The following PRIM2 variants were observed in gnomAD, a reference collection of about 807,000 sequenced individuals.
The protein encoded by PRIM2 is DNA primase subunit 2.
PRIM2 carries 39 observed loss-of-function variants against 67.3 expected under a neutral mutation model. The ratio of observed to expected loss-of-function variants is 0.58; its 90% CI spans 0.45 to 0.76. PRIM2 has a LOEUF of 0.76. PRIM2 is among the 30% of genes least tolerant of loss of function. PRIM2 has a pLI of 0.00. For missense variants in PRIM2, 398 were observed against 598.7 expected, an observed-to-expected ratio of 0.66 and a Z score of 3.50; for synonymous variants, 143 against 198.7, an observed-to-expected ratio of 0.72 and a Z score of 2.36.
At chr6:57,618,402 A>G (rs1776790523) in intron 12 of PRIM2, among the ~76,000 whole-genome samples, 1 of 152,182 alleles carries the variant, frequency 6.6e-6, no homozygotes, top group African/African-American at 2.4e-5. Flanking sequence ...TTAAATTGTG[A>G]ATTTTAGCTC....
the PRIM2 span, among the ~76,000 whole-genome samples, chr6:57,240,644 T>C: frequency 6.6e-6 from 1 of 152,102 alleles, no homozygotes. Context: ...TCCTGATTGG[T>C]AGAAGAGGTA....
chr6:57,437,899 T>G (rs1264985343), intron 7 of PRIM2, among the ~76,000 whole-genome samples: 1 of 152,070 alleles, frequency 6.6e-6, no homozygotes, highest in Non-Finnish European at 1.5e-5. Flanking sequence ...TCAAGTGATC[T>G]GCCTGCCTTA....
At chr6:57,239,601 G>T in the PRIM2 span, among the ~76,000 whole-genome samples, 12 of 152,100 alleles carry the variant, frequency 7.9e-5, no homozygotes, top group Admixed American at 2.0e-4. Flanking sequence ...AATTAGCAGG[G>T]TGTGGTGGCG....
At chr6:57,366,976 C>T (rs1479632249) in intron 5 of PRIM2, among the ~76,000 whole-genome samples, 1 of 151,756 alleles carries the variant, frequency 6.6e-6, no homozygotes, top group Non-Finnish European at 1.5e-5. Context: ...ATGAAATATG[C>T]TTTAGTATAA....
At chr6:57,614,580 G>GT (rs1776720891) in intron 12 of PRIM2, among the ~76,000 whole-genome samples, 1 of 152,162 alleles carries the variant, frequency 6.6e-6, no homozygotes, top group Non-Finnish European at 1.5e-5. Flanking sequence ...GCTGGGTGTG[G>GT]TGGCTCACAC....
the PRIM2 span, among the ~76,000 whole-genome samples, chr6:57,235,245 G>C: frequency 6.6e-6 from 1 of 152,014 alleles, no homozygotes; most frequent in Non-Finnish European, 1.5e-5. Flanking sequence ...AGCAGATCAC[G>C]TGAGATCAGG....
intron 7 of PRIM2, 145 bp from the exon 8 acceptor site, chr6:57,507,242 T>G (rs1774269247): frequency 3.4e-6 from 3 of 888,588 alleles, no homozygotes; most frequent in Non-Finnish European, 4.9e-6. Context: ...TTATATAATT[T>G]CTTGATTTGA....
Position 57,416,858 on chromosome 6 carries a change from G to A in PRIM2, c.693+34690G>A, listed in dbSNP as rs535489138. ...GCCTTTATAGAATTGAAGAGAGTTA[G>A]GGGCTTGGTCTGGATTAGGCTTAAG... On this transcript the variant is annotated intron_variant, in intron 7 of 13. Transcript: ENST00000615550. Among the ~76,000 whole-genome samples the A allele has an allele frequency of 9.1e-3, 1,386 of 152,284 alleles. 18 individuals carry two copies. Among genetic ancestry groups the A allele is most frequent in the African/African-American group, 0.031 (1,306 of 41,542 alleles).
chr6:57,405,050 A>G (rs1770837007), intron 7 of PRIM2, among the ~76,000 whole-genome samples: 1 of 148,670 alleles, frequency 6.7e-6, no homozygotes, highest in South Asian at 2.1e-4. Context: ...TTTCATTGAC[A>G]CCTGAATGCA....
intron 5 of PRIM2, among the ~76,000 whole-genome samples, chr6:57,352,579 G>A (rs2127301986): frequency 6.6e-6 from 1 of 152,276 alleles, no homozygotes; most frequent in Admixed American, 6.5e-5. Flanking sequence ...CTAAGATGTA[G>A]ACTTTACCCT....
the PRIM2 span, among the ~76,000 whole-genome samples, chr6:57,248,006 A>G: frequency 6.6e-6 from 1 of 152,236 alleles, no homozygotes; most frequent in African/African-American, 2.4e-5. Context: ...TTTAGCCAAA[A>G]AATAATTGGA....
At chr6:57,263,571 C>A in the PRIM2 span, among the ~76,000 whole-genome samples, 1 of 152,186 alleles carries the variant, frequency 6.6e-6, no homozygotes, top group Non-Finnish European at 1.5e-5. Context: ...CTAGTAACCT[C>A]ATTTAACTTG....
chr6:57,584,747 C>T (rs1408360211), intron 10 of PRIM2, among the ~76,000 whole-genome samples: 1 of 152,140 alleles, frequency 6.6e-6, no homozygotes, highest in Non-Finnish European at 1.5e-5. Flanking sequence ...ATAAAATGAA[C>T]TATTTTATAA....
At chr6:57,609,339 G>A (rs1296551555) in intron 12 of PRIM2, among the ~76,000 whole-genome samples, 95 of 152,230 alleles carry the variant, frequency 6.2e-4, no homozygotes, top group African/African-American at 2.1e-3. Context: ...TTGATGGAGT[G>A]TATCAACTGG....
intron 7 of PRIM2, among the ~76,000 whole-genome samples, chr6:57,386,384 C>A (rs112738647): frequency 0.067 from 9,497 of 141,268 alleles, 667 homozygotes; most frequent in African/African-American, 0.19. Flanking sequence ...TGCCATTGCA[C>A]CCCAGCTTGG....
chr6:57,274,319 C>T, the PRIM2 span, among the ~76,000 whole-genome samples: 4 of 152,090 alleles, frequency 2.6e-5, no homozygotes, highest in South Asian at 2.1e-4. Flanking sequence ...AATCAAGTCT[C>T]GGCAATGGCG....
intron 5 of PRIM2, among the ~76,000 whole-genome samples, chr6:57,348,334 C>T (rs546471907): frequency 1.3e-5 from 2 of 152,132 alleles, no homozygotes; most frequent in East Asian, 3.9e-4. Flanking sequence ...AATCAAAATC[C>T]AGGCAGTAGG....
At chr6:57,539,996 G>GA (rs1171138513) in intron 10 of PRIM2, among the ~76,000 whole-genome samples, 1,639 of 121,376 alleles carry the variant, frequency 0.014, 10 homozygotes, top group Non-Finnish European at 0.021. Flanking sequence ...TCCATCTCAA[G>GA]AAAAAAAAAA....
chr6:57,468,868 C>G (rs1773269194), intron 7 of PRIM2, among the ~76,000 whole-genome samples: 4 of 152,242 alleles, frequency 2.6e-5, no homozygotes, highest in African/African-American at 9.6e-5. Context: ...ATGTTCAGGG[C>G]CAAGGCTAAT....
Sources: gnomAD v4.1 joint callset for allele counts (sites outside exome capture counted in the v4.1 genomes callset) on GRCh38, gnomAD v4.1.1 for gene constraint, MANE v1.5 for transcripts, NCBI Gene and HGNC (gene_info 2026-07-23, HGNC 2026-07-21) for gene names.